DENND3: variants seen among roughly 807,000 people sequenced by gnomAD.
DENND3 encodes DENN domain-containing protein 3.
In DENND3, 88 loss-of-function variants were observed where a neutral mutation model predicts 135.1. The ratio of observed to expected loss-of-function variants is 0.65; its 90% CI spans 0.55 to 0.78. The LOEUF is 0.78. Ranked by LOEUF, DENND3 falls within the 30% of genes least tolerant of loss-of-function variation. The pLI is 0.00. For synonymous variants in DENND3, 693 were observed against 712.3 expected (o/e 0.97, Z 0.43); for missense variants, 1,392 against 1,688.4 (o/e 0.82, Z 3.08).
At position 141,130,495 on chromosome 8, in the gene DENND3, AG is replaced by A. The variant is rs1815894196; in HGVS notation, c.102+1690del. Among the ~76,000 whole-genome samples the A allele has an allele frequency of 6.6e-6, 1 of 152,126 alleles. No homozygotes were observed. Among genetic ancestry groups the A allele is most frequent in the Non-Finnish European group, 1.5e-5 (1 of 68,010 alleles). The stretch of plus-strand genomic sequence containing the variant: ...CTTTACTCTGTCTTTTGATTCTGTT[AG>A]GGGTTTGGCAAAGGGTGGAGAGAAA... On this transcript the variant is annotated intron_variant, in intron 1 of 22. Transcript: ENST00000519811. This position sits in a 1 kb window ranked among gnomAD's most constrained non-coding sequence, Gnocchi z 4.2.
Position 141,194,147 on chromosome 8 carries a change from A to G in DENND3, c.3751A>G (p.Arg1251Gly), listed in dbSNP as rs1825122200. 6.2e-7 allele frequency: 1 copy of G among 1,613,874 alleles called. No individual in the cohort carries two copies. Among genetic ancestry groups the G allele is most frequent in the Non-Finnish European group, 8.5e-7 (1 of 1,180,006 alleles). The change falls in exon 23 of 23, where the codon AGG becomes GGG. Residue 1251 changes from arginine (R) to glycine (G), a missense_variant. Physicochemically the swap from Arg to Gly is moderately radical, Grantham distance 125. Transcript: ENST00000519811. ...KELVAHMDTVRTLCSAEDRYV... is the reference protein window; with the variant it reads ...KELVAHMDTVGTLCSAEDRYV... ...GCTGGTGGCGCACATGGACACCGTG[A>G]GGACGCTGTGCTCGGCTGAGGACAG...
Position 141,136,533 on chromosome 8 carries a change from C to T in DENND3, c.127C>T (p.His43Tyr), listed in dbSNP as rs1031180259. 1.3e-6 allele frequency: 2 copies of T among 1,548,356 alleles called. No individual in the cohort carries two copies. Among genetic ancestry groups the T allele is most frequent in the Non-Finnish European group, 8.7e-7 (1 of 1,146,232 alleles). Reference protein sequence around the residue: ...EQVAYKKGVKHLSALLDPEVL... With the variant: ...EQVAYKKGVKYLSALLDPEVL... Reference sequence around the variant, plus strand: ...GGTTGCTTATAAAAAGGGAGTCAAACATCTTTCTGCTCTTCTTGATCCAGA... The same window carrying T: ...GGTTGCTTATAAAAAGGGAGTCAAATATCTTTCTGCTCTTCTTGATCCAGA... Residue 43 changes from histidine (H) to tyrosine (Y), a missense_variant, in exon 2 of 23, where the codon CAT becomes TAT. Transcript: ENST00000519811.
chr8:141,177,917 T>A, intron 15 of DENND3, 150 bp from the exon 16 acceptor site: 1 of 1,010,748 alleles, frequency 9.9e-7, no homozygotes, highest in East Asian at 2.8e-5. Context: ...ATATATGACA[T>A]AAAATCCAAA....
Position 141,182,087 on chromosome 8 carries a change from C to T in DENND3, c.2944+1233C>T, listed in dbSNP as rs1021354856. On this transcript the variant is annotated intron_variant, in intron 17 of 22. Transcript: ENST00000519811. This position sits in a 1 kb window ranked among gnomAD's most constrained non-coding sequence, Gnocchi z 5.9. ...CTGGGATTACAGGTGTGAGCCACTG[C>T]GCCAGCCCAGAAGGGATTTTTAAAA... Among the ~76,000 whole-genome samples, 9 of 152,168 alleles carry T rather than the reference C, an allele frequency of 5.9e-5. No homozygotes were observed. The highest frequency in any genetic ancestry group is 1.4e-4 in the African/African-American group (6 of 41,416).
intron 5 of DENND3, among the ~76,000 whole-genome samples, chr8:141,145,836 TATATATA>T (rs1818026441): frequency 3.6e-5 from 3 of 82,192 alleles, no homozygotes; most frequent in African/African-American, 2.7e-4. Flanking sequence ...TATATATATA[TATATATA>T]TATATATGTA....
At position 141,137,532 on chromosome 8, in the gene DENND3, G is replaced by A. The variant is rs1273101306; in HGVS notation, c.386-490G>A. Reference sequence around the variant, plus strand: ...CCTGAGCCTCTCCCTTCCACCTCCCGTTTTCCGTTTCACTGGGGCAAGAAG... The same window carrying A: ...CCTGAGCCTCTCCCTTCCACCTCCCATTTTCCGTTTCACTGGGGCAAGAAG... On this transcript the variant is annotated intron_variant, in intron 2 of 22. Transcript: ENST00000519811. This position sits in a 1 kb window ranked among gnomAD's most constrained non-coding sequence, Gnocchi z 4.1. 6.6e-6 allele frequency among the ~76,000 whole-genome samples: 1 copy of A among 152,156 alleles called. No individual in the cohort carries two copies. Among genetic ancestry groups the A allele is most frequent in the South Asian group, 2.1e-4 (1 of 4,830 alleles).
chr8:141,176,796 G>A lies in DENND3; in HGVS notation c.2706+35G>A, dbSNP rs370870778. 3 of 1,601,210 alleles carry A rather than the reference G, an allele frequency of 1.9e-6. No homozygotes were observed. In the African/African-American group the frequency reaches 4.0e-5, roughly 21 times the overall value. ...GCGGGTCCCCTCTGCCCTTTGCTGT[G>A]GCTGCCTCAGGGGCCTCTCGCCACC... is the stretch of plus-strand genomic sequence containing the variant. On this transcript the variant is annotated intron_variant, in intron 15 of 22. Transcript: ENST00000519811.
At position 141,128,683 on chromosome 8, in the gene DENND3, TACTGGCG is replaced by T. The variant is rs1452451805; in HGVS notation, c.-24_-18del. On this transcript the variant is annotated 5_prime_UTR_variant, in exon 1 of 23. Transcript: ENST00000519811. This position sits in a 1 kb window ranked among gnomAD's most constrained non-coding sequence, Gnocchi z 4.5. The stretch of plus-strand genomic sequence containing the variant: ...GCGCGGCTGAGGCGCCCGAGTGCGG[TACTGGCG>T]GCGGGCGGCGGGCAGCCATGGCGGA... 1 of 1,368,204 alleles carries T rather than the reference TACTGGCG, an allele frequency of 7.3e-7. No homozygotes were observed. Among genetic ancestry groups the T allele is most frequent in the East Asian group, 3.1e-5 (1 of 31,972 alleles). The allele number at this position is 1,368,204 out of a possible 1,614,324, so 84.8% of individuals were successfully genotyped here. A position where few individuals can be genotyped will look rare whatever the true frequency, so the allele number is the denominator to read the frequency against.
At position 141,192,398 on chromosome 8, in the gene DENND3, G is replaced by A; in HGVS notation, c.3447G>A (p.Glu1149=). The change falls in exon 21 of 23, where the codon GAG becomes GAA. Residue 1149 remains glutamate (E), a synonymous_variant. Coordinates refer to ENST00000519811, the MANE Select transcript of DENND3 (RefSeq NM_001352890.3). The part of the protein sequence containing the change: ...GSLHQELKIE[E]NFKDTSTSFL... ...TCCATCAAGAATTGAAGATTGAGGAGAACTTCAAAGACACCAGTACCTCCT... is the reference window on the plus strand; with the variant it reads ...TCCATCAAGAATTGAAGATTGAGGAAAACTTCAAAGACACCAGTACCTCCT... 6.2e-7 allele frequency: 1 copy of A among 1,614,236 alleles called. No homozygotes were observed.
At chr8:141,145,795 A>T (rs1324291081) in intron 5 of DENND3, among the ~76,000 whole-genome samples, 1 of 125,588 alleles carries the variant, frequency 8.0e-6, no homozygotes, top group Non-Finnish European at 1.7e-5. Context: ...TGTCTTTAAT[A>T]TTGAATATTA....
Position 141,194,553 on chromosome 8 carries a change from C to T in DENND3, c.*320C>T, listed in dbSNP as rs1825154089. 2.9e-6 allele frequency: 1 copy of T among 349,796 alleles called. No homozygotes were observed. Among genetic ancestry groups the T allele is most frequent in the South Asian group, 3.3e-5 (1 of 30,214 alleles). The allele number at this position is 349,796 out of a possible 1,614,324, so 21.7% of individuals were successfully genotyped here. A position where few individuals can be genotyped will look rare whatever the true frequency, so the allele number is the denominator to read the frequency against. On this transcript the variant is annotated 3_prime_UTR_variant, in exon 23 of 23. Coordinates refer to ENST00000519811, the MANE Select transcript of DENND3 (RefSeq NM_001352890.3). The stretch of plus-strand genomic sequence containing the variant: ...AAGTTCTGGAATCCACAACCAGGGG[C>T]TGGCACTGGAGCCAGCAGCTTGGCC...
At chr8:141,186,446 T>A (rs1823899213) in intron 18 of DENND3, among the ~76,000 whole-genome samples, 1 of 152,232 alleles carries the variant, frequency 6.6e-6, no homozygotes, top group African/African-American at 2.4e-5. Flanking sequence ...CTGCAGGCTG[T>A]ACGTGGCCCA....
At position 141,136,679 on chromosome 8, in the gene DENND3, C is replaced by A; in HGVS notation, c.273C>A (p.Pro91=). 2 of 1,613,334 alleles carry A rather than the reference C, an allele frequency of 1.2e-6. No homozygotes were observed. The highest frequency in any genetic ancestry group is 1.1e-5 in the South Asian group (1 of 90,820). Reference sequence around the variant, plus strand: ...CCTTGAGAAAGAAGAGAGAGAAGCCCAGACCAGAGCAGTGGAAGGGCCTCC... The same window carrying A: ...CCTTGAGAAAGAAGAGAGAGAAGCCAAGACCAGAGCAGTGGAAGGGCCTCC... ...MRSLRKKREK[P]RPEQWKGLPG... The change falls in exon 2 of 23, where the codon CCC becomes CCA. Residue 91 remains proline, a synonymous_variant. Transcript: ENST00000519811.
At chr8:141,190,037 C>G (rs1824492847) in intron 19 of DENND3, among the ~76,000 whole-genome samples, 1 of 152,152 alleles carries the variant, frequency 6.6e-6, no homozygotes, top group South Asian at 2.1e-4. Flanking sequence ...CCGCCTTTTC[C>G]TGCCGAGTCA....
At chr8:141,133,943 CTG>C (rs1816464038) in intron 1 of DENND3, among the ~76,000 whole-genome samples, 1 of 152,148 alleles carries the variant, frequency 6.6e-6, no homozygotes, top group Non-Finnish European at 1.5e-5. Flanking sequence ...GGACTTTGGG[CTG>C]TGAGTGCTGA....
At chr8:141,161,910 C>T (rs1021559864) in intron 9 of DENND3, among the ~76,000 whole-genome samples, 2 of 151,142 alleles carry the variant, frequency 1.3e-5, no homozygotes, top group Non-Finnish European at 2.9e-5. Flanking sequence ...AAGCAATTCT[C>T]CTGCCTCGGC....
In DENND3 at chr8:141,190,419, T is replaced by C. The variant is rs1251348115; in HGVS notation, c.3379+2T>C. On this transcript the variant is annotated splice_donor_variant, in intron 20 of 22. Coordinates refer to ENST00000519811, the MANE Select transcript of DENND3 (RefSeq NM_001352890.3). LOFTEE classifies it high-confidence loss of function. Reference sequence around the variant, plus strand: ...TGCACGGCGGCCGCCTGTGGTGCTGTAAGTCCGGCCCCTGCCATCAGAGCG... The same window carrying C: ...TGCACGGCGGCCGCCTGTGGTGCTGCAAGTCCGGCCCCTGCCATCAGAGCG... The C allele has an allele frequency of 1.2e-6, 2 of 1,606,632 alleles. No individual in the cohort carries two copies. Among genetic ancestry groups the C allele is most frequent in the Non-Finnish European group, 1.7e-6 (2 of 1,177,572 alleles).
In DENND3 at chr8:141,174,860, A is replaced by C. The variant is rs536401437; in HGVS notation, c.2276-340A>C. Among the ~76,000 whole-genome samples, 11 of 152,292 alleles carry C rather than the reference A, an allele frequency of 7.2e-5. No individual in the cohort carries two copies. Among genetic ancestry groups the C allele is most frequent in the African/African-American group, 2.2e-4 (9 of 41,560 alleles). ...AGTGATGAGGAAGGTCTTTGCCCCCATTAGAAGAGTGTCCTTGTCCGGAAG... is the reference window on the plus strand; with the variant it reads ...AGTGATGAGGAAGGTCTTTGCCCCCCTTAGAAGAGTGTCCTTGTCCGGAAG... On this transcript the variant is annotated intron_variant, in intron 13 of 22. Transcript: ENST00000519811. The surrounding 1 kb of genome is among the most constrained non-coding windows in gnomAD (Gnocchi z 4.6).
intron 8 of DENND3, among the ~76,000 whole-genome samples, chr8:141,160,176 A>G (rs904913255): frequency 9.3e-6 from 1 of 107,046 alleles, no homozygotes; most frequent in African/African-American, 3.7e-5. Context: ...CCAGCGATGT[A>G]TTTTTTTTTT....
Sources: allele counts gnomAD v4.1 joint callset (sites outside exome capture counted in the v4.1 genomes callset), GRCh38; gene constraint gnomAD v4.1.1; non-coding constraint Gnocchi (gnomAD v3.1); transcripts MANE v1.5; gene names NCBI Gene and HGNC (gene_info 2026-07-23, HGNC 2026-07-21).